The following PDE7B variants were observed in gnomAD, a reference collection of about 807,000 sequenced individuals.
PDE7B encodes the protein phosphodiesterase 7B.
Under a neutral mutation model 56.2 loss-of-function variants are expected in PDE7B, and 29 were observed. The observed-to-expected ratio is 0.52, with a 90% CI of 0.38 to 0.70. PDE7B has a LOEUF of 0.70. PDE7B is among the 30% of genes least tolerant of loss of function. PDE7B has a pLI of 0.00. For synonymous variants in PDE7B, 197 were observed against 196.9 expected (o/e 1.00, Z 0.00); for missense variants, 490 against 565.0 (o/e 0.87, Z 1.35).
At chr6:136,005,005 G>C (rs1005200937) in intron 2 of PDE7B, among the ~76,000 whole-genome samples, 10 of 152,114 alleles carry the variant, frequency 6.6e-5, no homozygotes, top group Admixed American at 2.0e-4. Flanking sequence ...CCAATACAGA[G>C]ATATAGATCA....
rs1779124017 is a variant in PDE7B, at chr6:136,185,111, G to A, written c.1046-1925G>A. On this transcript the variant is annotated intron_variant, in intron 11 of 12. Coordinates refer to ENST00000308191, the MANE Select transcript of PDE7B (RefSeq NM_018945.4). ...ATGGTGTTCTGGCCTGCCCTCAGAAGGCTATGATCATCTGGAGTTGAAGAG... is the reference window on the plus strand; with the variant it reads ...ATGGTGTTCTGGCCTGCCCTCAGAAAGCTATGATCATCTGGAGTTGAAGAG... Among the ~76,000 whole-genome samples the A allele has an allele frequency of 2.6e-5, 4 of 152,276 alleles. No homozygotes were observed. In the South Asian group the frequency reaches 8.3e-4, roughly 32 times the overall value.
intron 2 of PDE7B, among the ~76,000 whole-genome samples, chr6:136,084,548 CTT>C (rs1420010761): frequency 2.6e-5 from 4 of 152,186 alleles, no homozygotes; most frequent in Admixed American, 2.0e-4. Context: ...TTGGGAAAAA[CTT>C]TGTGTTTCTG....
chr6:135,982,733 G>C (rs1283922708), intron 2 of PDE7B, among the ~76,000 whole-genome samples: 2 of 152,266 alleles, frequency 1.3e-5, no homozygotes, highest in South Asian at 4.1e-4. Context: ...CTAGAAGATG[G>C]GTTGTGGCAA....
chr6:136,022,154 A>G (rs1173006194), intron 2 of PDE7B, among the ~76,000 whole-genome samples: 1 of 152,120 alleles, frequency 6.6e-6, no homozygotes, highest in African/African-American at 2.4e-5. Flanking sequence ...CTGAAACGTC[A>G]CTTACTTCAA....
intron 1 of PDE7B, among the ~76,000 whole-genome samples, chr6:135,901,640 C>G (rs2128191849): frequency 6.6e-6 from 1 of 152,198 alleles, no homozygotes; most frequent in Admixed American, 6.5e-5. Flanking sequence ...TCCAAATTGA[C>G]CCGGCAGCAC....
chr6:135,990,144 G>A (rs1419955847), intron 2 of PDE7B, among the ~76,000 whole-genome samples: 1 of 147,518 alleles, frequency 6.8e-6, no homozygotes, highest in Non-Finnish European at 1.5e-5. Flanking sequence ...CGCCCAGGCT[G>A]GAGTGCAATG....
At chr6:136,039,560 A>AC (rs1265213223) in intron 2 of PDE7B, among the ~76,000 whole-genome samples, 1 of 152,180 alleles carries the variant, frequency 6.6e-6, no homozygotes, top group Non-Finnish European at 1.5e-5. Flanking sequence ...TATGCCAGGA[A>AC]CTTTTTTTAA....
chr6:136,080,605 C>T (rs1282382276), intron 2 of PDE7B, among the ~76,000 whole-genome samples: 4 of 152,198 alleles, frequency 2.6e-5, no homozygotes, highest in African/African-American at 9.7e-5. Context: ...GCTTATGAGC[C>T]ATTTTTGTTC....
At chr6:136,173,314 A>C (rs989740879) in intron 8 of PDE7B, among the ~76,000 whole-genome samples, 24 of 152,304 alleles carry the variant, frequency 1.6e-4, no homozygotes, top group Middle Eastern at 3.4e-3. Context: ...GATATAGATC[A>C]ATGGAACAGA....
At chr6:135,869,169 T>C (rs1359366750) in intron 1 of PDE7B, among the ~76,000 whole-genome samples, 1 of 152,136 alleles carries the variant, frequency 6.6e-6, no homozygotes, top group Non-Finnish European at 1.5e-5. Context: ...GTAGTTTCCT[T>C]AGATTTTAGG....
At chr6:136,119,282 C>T (rs992541470) in intron 3 of PDE7B, among the ~76,000 whole-genome samples, 1 of 152,114 alleles carries the variant, frequency 6.6e-6, no homozygotes, top group Admixed American at 6.5e-5. Context: ...TTAAAATATG[C>T]CAAAATCCGA....
At chr6:136,120,664 G>C (rs898992941) in intron 3 of PDE7B, among the ~76,000 whole-genome samples, 2 of 152,260 alleles carry the variant, frequency 1.3e-5, no homozygotes, top group African/African-American at 4.8e-5. Context: ...GCCAGGTAGA[G>C]AACAGTAGAG....
chr6:135,878,403 G>A (rs965428961), intron 1 of PDE7B, among the ~76,000 whole-genome samples: 2 of 151,968 alleles, frequency 1.3e-5, no homozygotes, highest in East Asian at 1.9e-4. Flanking sequence ...TACTAAATAT[G>A]CCATCACAAC....
intron 2 of PDE7B, among the ~76,000 whole-genome samples, chr6:135,981,877 CA>C: frequency 6.6e-6 from 1 of 151,450 alleles, no homozygotes; most frequent in Admixed American, 6.6e-5. Flanking sequence ...ATGTGCTGTA[CA>C]AAATTGTACA....
intron 2 of PDE7B, chr6:136,049,456 G>A (rs953853915): frequency 2.0e-5 from 3 of 151,860 alleles, no homozygotes; most frequent in African/African-American, 7.3e-5. Context: ...CTGGATGGAT[G>A]AGAAAACATA....
intron 2 of PDE7B, among the ~76,000 whole-genome samples, chr6:135,970,283 C>T (rs118057823): frequency 6.6e-6 from 1 of 152,036 alleles, no homozygotes; most frequent in Non-Finnish European, 1.5e-5. Flanking sequence ...ATGGTGGTGG[C>T]AGGTGGGTAG....
Position 135,851,885 on chromosome 6 carries a change from A to C in PDE7B, c.-114A>C, listed in dbSNP as rs1490955775. ...TTTTTTTTTTTTGTTACTTAATTAT[A>C]TTCCTAATCCTGGATGAAGTTGCTG... is the stretch of plus-strand genomic sequence containing the variant. On this transcript the variant is annotated 5_prime_UTR_variant, in exon 1 of 13. Coordinates refer to ENST00000308191, the MANE Select transcript of PDE7B (RefSeq NM_018945.4). 5 of 570,494 alleles carry C rather than the reference A, an allele frequency of 8.8e-6. No individual in the cohort carries two copies. In the South Asian group the frequency reaches 1.4e-4, roughly 16 times the overall value. 35.3% of individuals were successfully genotyped at this position (570,494 alleles called of 1,614,324 possible). A position where few individuals can be genotyped will look rare whatever the true frequency, so the allele number is the denominator to read the frequency against.
At chr6:136,169,981 C>T (rs1778854063) in intron 8 of PDE7B, among the ~76,000 whole-genome samples, 2 of 152,144 alleles carry the variant, frequency 1.3e-5, no homozygotes, top group Admixed American at 6.6e-5. Flanking sequence ...GAGACTCAGT[C>T]AGCCTCATGA....
At chr6:136,067,746 C>G (rs776711727) in intron 2 of PDE7B, among the ~76,000 whole-genome samples, 1 of 152,124 alleles carries the variant, frequency 6.6e-6, no homozygotes, top group African/African-American at 2.4e-5. Flanking sequence ...TGGAAGTGAG[C>G]TGCCAGTATT....
Sources: gnomAD v4.1 joint callset for allele counts (sites outside exome capture counted in the v4.1 genomes callset) on GRCh38, gnomAD v4.1.1 for gene constraint, MANE v1.5 for transcripts, NCBI Gene and HGNC (gene_info 2026-07-23, HGNC 2026-07-21) for gene names.